Variants in COL22A1 observed in about 807,000 individuals in gnomAD.
COL22A1 encodes the protein collagen type XXII alpha 1 chain.
Under a neutral mutation model 248.9 loss-of-function variants are expected in COL22A1, and 221 were observed. The ratio of observed to expected loss-of-function variants is 0.89; its 90% CI spans 0.80 to 0.99. The LOEUF is 0.99. COL22A1 is among the 50% of genes least tolerant of loss of function. The pLI is 0.00. For missense variants in COL22A1, 2,240 were observed against 2,179.0 expected (o/e 1.03, Z -0.56); for synonymous variants, 891 against 793.4 (o/e 1.12, Z -2.07).
chr8:138,887,843 C>T (rs943528199), intron 1 of COL22A1, among the ~76,000 whole-genome samples: 6 of 152,170 alleles, frequency 3.9e-5, no homozygotes, highest in East Asian at 1.9e-4. Context: ...TGTCCACTGC[C>T]TCCAGCAGTG....
chr8:138,614,526 A>C (rs886220608), intron 55 of COL22A1, among the ~76,000 whole-genome samples: 1 of 152,262 alleles, frequency 6.6e-6, no homozygotes, highest in African/African-American at 2.4e-5. Flanking sequence ...GATGGAGGGA[A>C]GGAAGCATAG....
At chr8:138,707,478 C>G (rs1828569222) in intron 30 of COL22A1, among the ~76,000 whole-genome samples, 1 of 152,158 alleles carries the variant, frequency 6.6e-6, no homozygotes. Context: ...AAGGCTGGTT[C>G]AACATATGCA....
chr8:138,600,273 G>A (rs1284249989), intron 60 of COL22A1, among the ~76,000 whole-genome samples: 1 of 152,216 alleles, frequency 6.6e-6, no homozygotes, highest in African/African-American at 2.4e-5. Flanking sequence ...GAACTCCATT[G>A]CTGGGATGTA....
At chr8:138,608,457 T>C (rs1241263310) in intron 56 of COL22A1, among the ~76,000 whole-genome samples, 2 of 152,158 alleles carry the variant, frequency 1.3e-5, no homozygotes, top group Non-Finnish European at 2.9e-5. Context: ...GAGATCATTA[T>C]ACTCTCATTT....
At chr8:138,904,501 C>A (rs1465260882) in intron 1 of COL22A1, among the ~76,000 whole-genome samples, 2 of 152,140 alleles carry the variant, frequency 1.3e-5, no homozygotes, top group African/African-American at 2.4e-5. Context: ...TCAGTACAAG[C>A]AAACCTTAAC....
In COL22A1 at chr8:138,883,264, C is replaced by G; in HGVS notation, c.-72-20G>C. Reference sequence around the variant, plus strand: ...CATGGCCTGTGTGGAGAAAGACACCCTTAGAGAAGGCTCTCAAGCTGAAAG... The same window carrying G: ...CATGGCCTGTGTGGAGAAAGACACCGTTAGAGAAGGCTCTCAAGCTGAAAG... On this transcript the variant is annotated intron_variant, in intron 1 of 64. Coordinates refer to ENST00000303045, the MANE Select transcript of COL22A1 (RefSeq NM_152888.3). 7.8e-7 allele frequency: 1 copy of G among 1,282,796 alleles called. No individual in the cohort carries two copies. The highest frequency in any genetic ancestry group is 1.1e-6 in the Non-Finnish European group (1 of 925,290). 79.5% of individuals were successfully genotyped at this position (1,282,796 alleles called of 1,614,324 possible). A position where few individuals can be genotyped will look rare whatever the true frequency, so the allele number is the denominator to read the frequency against.
rs775218399 is a variant in COL22A1, at chr8:138,833,105, T to G, written c.779A>C (p.Lys260Thr). ...GGAACTCTGAGCTCCATTCTCTCTC[T>G]TCCCCAAGATTTCCTTCACACTGAA... The part of the protein sequence containing the change: ...DLFSVKEILG[K>T]RENGAQSSYV... Residue 260 changes from lysine to threonine, a missense_variant, in exon 5 of 65, where the codon AAG becomes ACG. Transcript: ENST00000303045. The G allele has an allele frequency of 1.2e-6, 2 of 1,613,814 alleles. No homozygotes were observed. The highest frequency in any genetic ancestry group is 1.7e-6 in the Non-Finnish European group (2 of 1,179,814).
At chr8:138,857,102 G>T (rs1356676159) in intron 3 of COL22A1, among the ~76,000 whole-genome samples, 3 of 151,770 alleles carry the variant, frequency 2.0e-5, no homozygotes, top group Non-Finnish European at 4.4e-5. Context: ...TCTCCTCCAG[G>T]CTGGATCCGC....
intron 3 of COL22A1, among the ~76,000 whole-genome samples, chr8:138,872,889 T>C (rs987047593): frequency 1.3e-5 from 2 of 152,198 alleles, no homozygotes; most frequent in African/African-American, 4.8e-5. Context: ...GCTGTTACTG[T>C]TGTTATTCCA....
intron 22 of COL22A1, among the ~76,000 whole-genome samples, chr8:138,746,398 A>G (rs1035150637): frequency 1.1e-4 from 16 of 152,218 alleles, no homozygotes; most frequent in Admixed American, 4.6e-4. Flanking sequence ...AATTTTTTGA[A>G]TAAGTCATTT....
rs115642473 is a variant in COL22A1 at position 138,803,806 on chromosome 8, T to C, written c.1495-872A>G. On this transcript the variant is annotated intron_variant, in intron 10 of 64. Coordinates refer to ENST00000303045, the MANE Select transcript of COL22A1 (RefSeq NM_152888.3). ...AGCCTTCAATTCTATTCTTTTGTCTTTGTTCTTGATCTGAAACTTTATCTC... is the reference window on the plus strand; with the variant it reads ...AGCCTTCAATTCTATTCTTTTGTCTCTGTTCTTGATCTGAAACTTTATCTC... 5.7e-3 allele frequency among the ~76,000 whole-genome samples: 864 copies of C among 152,344 alleles called. 6 individuals are homozygous for C. The highest frequency in any genetic ancestry group is 0.02 in the African/African-American group (844 of 41,580).
intron 22 of COL22A1, among the ~76,000 whole-genome samples, chr8:138,740,516 C>A (rs952364714): frequency 6.6e-5 from 10 of 152,126 alleles, no homozygotes; most frequent in African/African-American, 2.4e-4. Context: ...GTTACTCATG[C>A]TCAGGAAGGT....
chr8:138,798,397 A>G (rs1346813478), intron 11 of COL22A1, among the ~76,000 whole-genome samples: 2 of 151,820 alleles, frequency 1.3e-5, no homozygotes, highest in Non-Finnish European at 2.9e-5. Flanking sequence ...CTAGTGTAAC[A>G]TTTACACTAC....
intron 12 of COL22A1, among the ~76,000 whole-genome samples, chr8:138,792,008 A>G (rs1011358811): frequency 6.6e-6 from 1 of 152,162 alleles, no homozygotes; most frequent in Admixed American, 6.5e-5. Flanking sequence ...TGCTGAAGAC[A>G]TGACTTTTTG....
intron 51 of COL22A1, among the ~76,000 whole-genome samples, chr8:138,625,582 G>A (rs6996538): frequency 0.8 from 121,615 of 152,196 alleles, 50,500 homozygotes; most frequent in Middle Eastern, 0.93. Context: ...TGCAGTATGT[G>A]TCAAGAACCT....
intron 16 of COL22A1, 46 bp from the exon 17 acceptor site, chr8:138,762,512 A>G (rs1420755792): frequency 5.7e-6 from 9 of 1,587,426 alleles, no homozygotes; most frequent in African/African-American, 4.0e-5. Context: ...TAGTGACCAC[A>G]GGCAGCAGCC....
intron 41 of COL22A1, among the ~76,000 whole-genome samples, chr8:138,664,403 G>A (rs562687267): frequency 2.0e-5 from 3 of 152,110 alleles, no homozygotes; most frequent in South Asian, 2.1e-4. Flanking sequence ...GTCTTGCAGC[G>A]AGTGGGACCG....
At chr8:138,694,705 C>T (rs1827357022) in intron 33 of COL22A1, 121 bp downstream of exon 33, 1 of 1,388,762 alleles carries the variant, frequency 7.2e-7, no homozygotes. Context: ...AAAGGGCTGC[C>T]TTCCATTCAG....
intron 58 of COL22A1, 71 bp downstream of exon 58, chr8:138,606,310 G>T: frequency 7.5e-7 from 1 of 1,331,428 alleles, no homozygotes; most frequent in Non-Finnish European, 1.1e-6. Flanking sequence ...GAGGTGGCAG[G>T]GAAGGTACTG....
Sources: gnomAD v4.1 joint callset for allele counts (sites outside exome capture counted in the v4.1 genomes callset) on GRCh38, gnomAD v4.1.1 for gene constraint, MANE v1.5 for transcripts, NCBI Gene and HGNC (gene_info 2026-07-23, HGNC 2026-07-21) for gene names.